The following SNRNP48 variants were observed in gnomAD, a reference collection of about 807,000 sequenced individuals.
The protein encoded by SNRNP48 is small nuclear ribonucleoprotein U11/U12 subunit 48, also known as U11/U12 small nuclear ribonucleoprotein 48 kDa protein.
SNRNP48 carries 43 observed loss-of-function variants against 47.0 expected under a neutral mutation model. The observed-to-expected ratio is 0.92, with a 90% CI of 0.72 to 1.18. SNRNP48 has a LOEUF of 1.18. Ranked by LOEUF, SNRNP48 falls within the 50% of genes most tolerant of loss-of-function variation. SNRNP48 has a pLI of 0.00. For synonymous variants in SNRNP48, 138 were observed against 144.0 expected, an observed-to-expected ratio of 0.96 and a Z score of 0.30; for missense variants, 396 against 422.2, an observed-to-expected ratio of 0.94 and a Z score of 0.54.
At chr6:7,604,818 T>C (rs1158636026) in intron 6 of SNRNP48, among the ~76,000 whole-genome samples, 4 of 152,242 alleles carry the variant, frequency 2.6e-5, no homozygotes. Flanking sequence ...ACTGTATGTT[T>C]CATATTTTGT....
Position 7,593,717 on chromosome 6 carries a change from C to G in SNRNP48, c.157-17C>G. 1 of 1,479,902 alleles carries G rather than the reference C, an allele frequency of 6.8e-7. No homozygotes were observed. Among genetic ancestry groups the G allele is most frequent in the South Asian group, 1.3e-5 (1 of 75,670 alleles). 91.7% of individuals were successfully genotyped at this position (1,479,902 alleles called of 1,614,324 possible). On this transcript the variant is annotated splice_polypyrimidine_tract_variant and intron_variant, in intron 1 of 8. Transcript: ENST00000342415. ...TATTATGTACCTATTTTCTTTGTTT[C>G]TGTTTGATTTTTATAGGATGAAGTT...
Position 7,602,603 on chromosome 6 carries a change from T to C in SNRNP48, c.596-20T>C, listed in dbSNP as rs747435725. 3.9e-6 allele frequency: 6 copies of C among 1,547,114 alleles called. No individual in the cohort carries two copies. In the African/African-American group the frequency reaches 7.0e-5, roughly 18 times the overall value. The stretch of plus-strand genomic sequence containing the variant: ...AAAAGCTTTGAAGGATATAATACTT[T>C]TATTTTATTCTTTCATTAGACAATA... On this transcript the variant is annotated intron_variant, in intron 5 of 8. Coordinates refer to ENST00000342415, the MANE Select transcript of SNRNP48 (RefSeq NM_152551.4).
chr6:7,608,759 T>C (rs1406852129), intron 8 of SNRNP48, 66 bp from the exon 9 acceptor site: 28 of 856,690 alleles, frequency 3.3e-5, no homozygotes, highest in Non-Finnish European at 4.5e-5. Context: ...TGTTGAATTA[T>C]TTTAAAGCTC....
At chr6:7,600,045 G>T (rs1759983312) in intron 4 of SNRNP48, 1 of 996,204 alleles carries the variant, frequency 1.0e-6, no homozygotes, top group Middle Eastern at 5.1e-4. Context: ...AAGGAATTAG[G>T]CTTATCAAAG....
At chr6:7,591,201 T>C (rs777729098) in intron 1 of SNRNP48, among the ~76,000 whole-genome samples, 35 of 152,324 alleles carry the variant, frequency 2.3e-4, no homozygotes, top group Non-Finnish European at 5.1e-4. Context: ...TGGACACTTC[T>C]GACTGGGACA....
chr6:7,608,144 T>C (rs953513145), intron 8 of SNRNP48, among the ~76,000 whole-genome samples: 1 of 152,100 alleles, frequency 6.6e-6, no homozygotes, highest in African/African-American at 2.4e-5. Flanking sequence ...TATCCAACCC[T>C]GGGGTGGACT....
chr6:7,608,125 A>G (rs1356587317), intron 8 of SNRNP48, among the ~76,000 whole-genome samples: 1 of 152,238 alleles, frequency 6.6e-6, no homozygotes, highest in Non-Finnish European at 1.5e-5. Context: ...TCAACAGGCT[A>G]ATCTTTGATA....
chr6:7,601,833 C>T (rs1181535225), intron 5 of SNRNP48, among the ~76,000 whole-genome samples: 3 of 151,962 alleles, frequency 2.0e-5, no homozygotes, highest in Non-Finnish European at 4.4e-5. Context: ...GCATTTACAT[C>T]GTATCAGGTT....
intron 4 of SNRNP48, chr6:7,599,928 ATTTC>A (rs1759981984): frequency 1.0e-6 from 1 of 992,616 alleles, no homozygotes; most frequent in Admixed American, 4.8e-5. Flanking sequence ...AGGAAATTAT[ATTTC>A]TTTGTTTAAA....
chr6:7,597,990 G>T (rs13217583), intron 4 of SNRNP48, among the ~76,000 whole-genome samples: 1 of 150,694 alleles, frequency 6.6e-6, no homozygotes, highest in Non-Finnish European at 1.5e-5. Flanking sequence ...CTCAGGTCCC[G>T]AGTAGCTGGG....
chr6:7,594,063 C>A, intron 2 of SNRNP48, 36 bp from the exon 3 acceptor site: 3 of 1,219,000 alleles, frequency 2.5e-6, no homozygotes, highest in Non-Finnish European at 2.3e-6. Flanking sequence ...AGTCAATTAT[C>A]TGATACTTAA....
chr6:7,591,177 C>G (rs1759811285), intron 1 of SNRNP48, among the ~76,000 whole-genome samples: 1 of 152,200 alleles, frequency 6.6e-6, no homozygotes, highest in Admixed American at 6.5e-5. Flanking sequence ...GTTCGCCTTT[C>G]TGTGCCTTAA....
At chr6:7,601,130 A>ATTT in intron 4 of SNRNP48, 9 of 349,028 alleles carry the variant, frequency 2.6e-5, no homozygotes, top group Admixed American at 5.0e-5. Context: ...TCCATAATAC[A>ATTT]TTTTTTTTTT....
rs778461752 is a variant in SNRNP48 at position 7,590,266 on chromosome 6, C to G, written c.9C>G (p.Gly3=). ME[G]EPPPVEERRR... Reference sequence around the variant, plus strand: ...GCGGGTGGGCTGCAGCTATGGAGGGCGAGCCTCCACCTGTGGAGGAGCGGC... The same window carrying G: ...GCGGGTGGGCTGCAGCTATGGAGGGGGAGCCTCCACCTGTGGAGGAGCGGC... The change falls in exon 1 of 9, where the codon GGC becomes GGG. Residue 3 remains glycine (G), a synonymous_variant. Coordinates refer to ENST00000342415, the MANE Select transcript of SNRNP48 (RefSeq NM_152551.4). 9.7e-6 allele frequency: 13 copies of G among 1,336,932 alleles called. No homozygotes were observed. The highest frequency in any genetic ancestry group is 1.9e-6 in the Non-Finnish European group (2 of 1,034,418). The allele number at this position is 1,336,932 out of a possible 1,614,324, so 82.8% of individuals were successfully genotyped here.
chr6:7,604,943 A>T (rs1217900832), intron 6 of SNRNP48, among the ~76,000 whole-genome samples: 5 of 151,502 alleles, frequency 3.3e-5, no homozygotes, highest in Non-Finnish European at 7.4e-5. Flanking sequence ...AGTACCAAGA[A>T]CTCCCATATT....
At chr6:7,599,775 T>C (rs1759978995) in intron 4 of SNRNP48, 1 of 1,267,124 alleles carries the variant, frequency 7.9e-7, no homozygotes, top group African/African-American at 1.5e-5. Context: ...AAAGTAAAAT[T>C]TCTAAACTTT....
intron 4 of SNRNP48, among the ~76,000 whole-genome samples, chr6:7,596,941 T>A (rs1759914468): frequency 6.6e-6 from 1 of 152,216 alleles, no homozygotes; most frequent in South Asian, 2.1e-4. Flanking sequence ...AACTTGGAGA[T>A]CATCTAATCC....
chr6:7,598,726 A>C (rs1243628229), intron 4 of SNRNP48, among the ~76,000 whole-genome samples: 2 of 152,190 alleles, frequency 1.3e-5, no homozygotes, highest in Non-Finnish European at 2.9e-5. Flanking sequence ...ACTACAATGT[A>C]AGTTTTTTGA....
rs1760212198 is a variant in SNRNP48 at position 7,610,354 on chromosome 6, T to C, written c.*1481T>C. 2.0e-5 allele frequency: 3 copies of C among 152,348 alleles called. No homozygotes were observed. The South Asian group carries it at 6.2e-4, about 32-fold the overall frequency. 9.4% of individuals were successfully genotyped at this position (152,348 alleles called of 1,614,324 possible). On this transcript the variant is annotated 3_prime_UTR_variant, in exon 9 of 9. Transcript: ENST00000342415. ...TGGAAATCACCAGGTTACTTGCCAA[T>C]ATATAGTCATATTGCTGCCATTGTA...
Sources: allele counts gnomAD v4.1 joint callset (sites outside exome capture counted in the v4.1 genomes callset), GRCh38; gene constraint gnomAD v4.1.1; transcripts MANE v1.5; gene names NCBI Gene and HGNC (gene_info 2026-07-23, HGNC 2026-07-21).